Variants in COL15A1 observed in about 807,000 individuals in gnomAD.
The protein encoded by COL15A1 is collagen alpha-1(XV) chain.
A neutral mutation model predicts 165.9 loss-of-function variants in COL15A1; 111 were observed. The observed-to-expected ratio is 0.67, with a 90% CI of 0.57 to 0.78. The LOEUF (loss-of-function observed/expected upper bound fraction) is 0.78. COL15A1 is among the 30% of genes least tolerant of loss of function. The pLI is 0.00. For synonymous variants in COL15A1, 659 were observed against 674.8 expected (o/e 0.98, Z 0.36); for missense variants, 1,745 against 1,789.7 (o/e 0.98, Z 0.45).
intron 10 of COL15A1, 105 bp downstream of exon 10, chr9:99,015,671 A>C: frequency 1.8e-6 from 2 of 1,088,736 alleles, no homozygotes; most frequent in South Asian, 2.9e-5. Context: ...TAGCTTGGTT[A>C]TGAGCACATG....
At chr9:99,046,374 C>T (rs544075250) in intron 26 of COL15A1, among the ~76,000 whole-genome samples, 6 of 152,288 alleles carry the variant, frequency 3.9e-5, no homozygotes, top group Non-Finnish European at 5.9e-5. Context: ...TCAGGCCCCA[C>T]CCAAGACATA....
At chr9:98,975,581 A>T (rs1185731364) in intron 2 of COL15A1, among the ~76,000 whole-genome samples, 2 of 152,174 alleles carry the variant, frequency 1.3e-5, no homozygotes, top group African/African-American at 4.8e-5. Context: ...GTTTCCATGG[A>T]AACTGGCTTT....
intron 2 of COL15A1, among the ~76,000 whole-genome samples, chr9:98,971,951 G>A (rs973335600): frequency 3.3e-5 from 5 of 152,216 alleles, no homozygotes; most frequent in African/African-American, 1.2e-4. Flanking sequence ...GCTAGCAGGT[G>A]GTTGTGAGGC....
chr9:98,983,203 G>A (rs1838258203), intron 2 of COL15A1, among the ~76,000 whole-genome samples: 1 of 152,164 alleles, frequency 6.6e-6, no homozygotes, highest in Non-Finnish European at 1.5e-5. Flanking sequence ...GTGTTGCGGA[G>A]TTGAGATGGG....
intron 3 of COL15A1, 87 bp from the exon 4 acceptor site, chr9:98,987,207 C>A: frequency 7.6e-7 from 1 of 1,308,554 alleles, no homozygotes; most frequent in Non-Finnish European, 1.1e-6. Flanking sequence ...ACCTGTTCGT[C>A]TCCATTGCCA....
Position 99,044,742 on chromosome 9 carries a change from C to G in COL15A1, c.2651C>G (p.Pro884Arg), listed in dbSNP as rs1225291007. ...TATATCTTCCTGTTTTAGGGTGAAC[C>G]TGGAATGCATGGAGCCCCAGGACCA... ...LERLMGKKGE[P>R]GMHGAPGPMG... is the part of the protein sequence containing the mutation. Residue 884 changes from proline to arginine, a missense_variant, in exon 26 of 42, where the codon CCT becomes CGT. By Grantham distance (103) the Pro-to-Arg change is moderately radical (BLOSUM62 -2). Transcript: ENST00000375001. 3 of 1,613,764 alleles carry G rather than the reference C, an allele frequency of 1.9e-6. No homozygotes were observed. The highest frequency in any genetic ancestry group is 2.7e-5 in the African/African-American group (2 of 74,890).
intron 5 of COL15A1, among the ~76,000 whole-genome samples, chr9:98,994,898 C>A (rs1328335112): frequency 6.6e-6 from 1 of 152,134 alleles, no homozygotes; most frequent in Non-Finnish European, 1.5e-5. Context: ...CATGCCCTGT[C>A]CTTGCAGGGG....
chr9:99,042,108 G>A lies in COL15A1; in HGVS notation c.2574+1G>A. 1 of 1,609,746 alleles carries A rather than the reference G, an allele frequency of 6.2e-7. No homozygotes were observed. The highest frequency in any genetic ancestry group is 2.2e-5 in the East Asian group (1 of 44,848). On this transcript the variant is annotated splice_donor_variant, in intron 24 of 41. Transcript: ENST00000375001. LOFTEE classifies it high-confidence loss of function. ...CTTTCCAGGACTAAAAGGAGAACAG[G>A]TAAGAGGGGCCCAGGTATCTGAGTG...
rs763286724 is a variant in COL15A1 at position 99,040,559 on chromosome 9, A to G, written c.2511+3A>G. The G allele has an allele frequency of 1.2e-6, 2 of 1,614,110 alleles. No homozygotes were observed. Among genetic ancestry groups the G allele is most frequent in the Admixed American group, 1.7e-5 (1 of 60,014 alleles). The stretch of plus-strand genomic sequence containing the variant: ...TGCCTGGGCTGCCAGGATTTCCAGT[A>G]AGTACCACCCTCGCTGTCTTCTATC... On this transcript the variant is annotated splice_donor_region_variant and intron_variant, in intron 23 of 41. Transcript: ENST00000375001.
Position 99,054,557 on chromosome 9 carries a change from T to G in COL15A1, c.2951-19T>G, listed in dbSNP as rs781678861. ...GGTGATTTTCCATTTTTTTTTAACATGTATGTGTTTGGTGGCAGGTGTTAA... is the reference window on the plus strand; with the variant it reads ...GGTGATTTTCCATTTTTTTTTAACAGGTATGTGTTTGGTGGCAGGTGTTAA... On this transcript the variant is annotated intron_variant, in intron 31 of 41. Transcript: ENST00000375001. 2 of 1,592,494 alleles carry G rather than the reference T, an allele frequency of 1.3e-6. No homozygotes were observed. The highest frequency in any genetic ancestry group is 1.9e-5 in the Admixed American group (1 of 53,742).
At position 99,047,989 on chromosome 9, in the gene COL15A1, G is replaced by A. The variant is rs199515191; in HGVS notation, c.2782G>A (p.Val928Ile). The change falls in exon 28 of 42, where the codon GTC becomes ATC. Residue 928 changes from valine (V) to isoleucine (I), a missense_variant. Coordinates refer to ENST00000375001, the MANE Select transcript of COL15A1 (RefSeq NM_001855.5). Reference protein sequence around the residue: ...GLKGTKGDPGVIMQGPPGLPG... With the variant: ...GLKGTKGDPGIIMQGPPGLPG... The stretch of plus-strand genomic sequence containing the variant: ...CAAGGGTACCAAAGGAGATCCAGGG[G>A]TCATTATGCAGGTGAGTCACCCTGG... 2.4e-5 allele frequency: 38 copies of A among 1,577,050 alleles called. No homozygotes were observed. In the East Asian group the frequency reaches 7.1e-4, roughly 29 times the overall value.
intron 5 of COL15A1, among the ~76,000 whole-genome samples, chr9:98,990,653 G>C (rs372192953): frequency 2.6e-5 from 4 of 152,352 alleles, no homozygotes; most frequent in African/African-American, 9.6e-5. Context: ...GGAGAGTGGA[G>C]TTTGAGCCTG....
intron 16 of COL15A1, among the ~76,000 whole-genome samples, chr9:99,026,824 A>G (rs772963889): frequency 6.6e-6 from 1 of 152,074 alleles, no homozygotes; most frequent in Non-Finnish European, 1.5e-5. Flanking sequence ...TGCTATTGAG[A>G]ACCTCCCTTG....
chr9:99,014,899 C>T (rs1838902204), intron 9 of COL15A1, among the ~76,000 whole-genome samples: 2 of 152,210 alleles, frequency 1.3e-5, no homozygotes, highest in Admixed American at 1.3e-4. Flanking sequence ...TTTTGAGTTT[C>T]TGATTAGCCT....
At chr9:99,055,498 C>A in intron 34 of COL15A1, 126 bp downstream of exon 34, 1 of 635,546 alleles carries the variant, frequency 1.6e-6, no homozygotes, top group East Asian at 2.7e-5. Context: ...TGGGGATTAG[C>A]CAGCTCTTTC....
chr9:99,062,210 T>C, intron 37 of COL15A1, 35 bp from the exon 38 acceptor site: 1 of 1,604,976 alleles, frequency 6.2e-7, no homozygotes, highest in Non-Finnish European at 8.5e-7. Context: ...AGTTTGTAAT[T>C]GATCTTTCAT....
chr9:99,032,766 GA>G (rs1393332506), intron 16 of COL15A1, among the ~76,000 whole-genome samples: 1 of 152,136 alleles, frequency 6.6e-6, no homozygotes, highest in Non-Finnish European at 1.5e-5. Context: ...TCTGTAGCTT[GA>G]TCTCTGTATT....
At position 99,042,107 on chromosome 9, in the gene COL15A1, G is replaced by A; in HGVS notation, c.2574G>A (p.Gln858=). 1.2e-6 allele frequency: 2 copies of A among 1,609,798 alleles called. No homozygotes were observed. The highest frequency in any genetic ancestry group is 4.5e-5 in the East Asian group (2 of 44,856). Residue 858 remains glutamine (Q), a splice_region_variant and synonymous_variant, in exon 24 of 42, where the codon CAG becomes CAA. Coordinates refer to ENST00000375001, the MANE Select transcript of COL15A1 (RefSeq NM_001855.5). ...GCTTTCCAGGACTAAAAGGAGAACA[G>A]GTAAGAGGGGCCCAGGTATCTGAGT... ...LPGFPGLKGE[Q]GEKGEPGAIL...
At chr9:99,005,838 G>T (rs146624159) in intron 9 of COL15A1, among the ~76,000 whole-genome samples, 1 of 152,246 alleles carries the variant, frequency 6.6e-6, no homozygotes, top group Non-Finnish European at 1.5e-5. Context: ...TCCTCTCACA[G>T]CTTGTCTCCA....
Sources: gnomAD v4.1 joint callset for allele counts (sites outside exome capture counted in the v4.1 genomes callset) on GRCh38, gnomAD v4.1.1 for gene constraint, MANE v1.5 for transcripts, NCBI Gene and HGNC (gene_info 2026-07-23, HGNC 2026-07-21) for gene names.